The following TRERF1 variants were observed in gnomAD, a reference collection of about 807,000 sequenced individuals.
The protein encoded by TRERF1 is transcriptional-regulating factor 1.
Under a neutral mutation model 122.9 loss-of-function variants are expected in TRERF1, and 27 were observed. The ratio of observed to expected loss-of-function variants is 0.22; its 90% CI spans 0.16 to 0.30. TRERF1 has a LOEUF of 0.30. Among genes scored for constraint, TRERF1 ranks in the 10% least tolerant of loss-of-function variants. The probability of loss-of-function intolerance (pLI) is 1.00; values close to 1 mark genes in which losing one functional copy is unlikely to be tolerated. For missense variants in TRERF1, 1,248 were observed against 1,560.3 expected (o/e 0.80, Z 3.37); for synonymous variants, 636 against 641.7 (o/e 0.99, Z 0.13).
intron 2 of TRERF1, among the ~76,000 whole-genome samples, chr6:42,417,328 G>GCTGAAGCCAGCATCCC (rs2307594): frequency 6.6e-6 from 1 of 151,826 alleles, no homozygotes; most frequent in African/African-American, 2.4e-5. Flanking sequence ...CTACCCCACG[G>GCTGAAGCCAGCATCCC]ACCCCACTCC....
chr6:42,446,678 G>A (rs1205178200), intron 2 of TRERF1, among the ~76,000 whole-genome samples: 2 of 152,154 alleles, frequency 1.3e-5, no homozygotes, highest in African/African-American at 4.8e-5. Flanking sequence ...ATGTATGAAA[G>A]AAACCAGGGC....
intron 2 of TRERF1, among the ~76,000 whole-genome samples, chr6:42,371,667 C>T (rs955184221): frequency 1.3e-5 from 2 of 152,150 alleles, no homozygotes; most frequent in Non-Finnish European, 2.9e-5. Flanking sequence ...CAACCAGATG[C>T]ATCTGTGACC....
chr6:42,302,546 T>A (rs2150264975), intron 3 of TRERF1, among the ~76,000 whole-genome samples: 1 of 152,348 alleles, frequency 6.6e-6, no homozygotes, highest in South Asian at 2.1e-4. Context: ...TCATCTGCAA[T>A]TTTGGAGTTT....
At chr6:42,265,765 C>A in exon 6 of TRERF1, 2 of 1,613,384 alleles carry the variant, frequency 1.2e-6, no homozygotes. Flanking sequence ...ACTCAGGGGA[C>A]CCTGGCTGGG....
intron 2 of TRERF1, among the ~76,000 whole-genome samples, chr6:42,430,051 G>A (rs981406233): frequency 4.0e-5 from 6 of 151,772 alleles, no homozygotes; most frequent in Admixed American, 6.6e-5. Context: ...TGAGGCAAGC[G>A]CATACCAGAT....
chr6:42,357,405 C>T (rs1186287895), intron 3 of TRERF1, among the ~76,000 whole-genome samples: 1 of 150,256 alleles, frequency 6.7e-6, no homozygotes, highest in Non-Finnish European at 1.5e-5. Flanking sequence ...CATACGAGCA[C>T]AGATGAGGCT....
intron 2 of TRERF1, among the ~76,000 whole-genome samples, chr6:42,436,952 G>A (rs935461614): frequency 2.6e-5 from 4 of 151,422 alleles, no homozygotes; most frequent in African/African-American, 9.7e-5. Context: ...GGAGACTGTG[G>A]TGTAAATGTG....
intron 2 of TRERF1, among the ~76,000 whole-genome samples, chr6:42,363,678 G>A (rs1200714665): frequency 6.6e-6 from 1 of 152,170 alleles, no homozygotes; most frequent in African/African-American, 2.4e-5. Context: ...TAGTTAAGAC[G>A]AGGTCCTACT....
At chr6:42,234,336 GTTTGCTTGTTTT>G (rs1277990988) in intron 16 of TRERF1, among the ~76,000 whole-genome samples, 2 of 149,422 alleles carry the variant, frequency 1.3e-5, no homozygotes, top group African/African-American at 5.0e-5. Context: ...TTGTTTGTTT[GTTTGCTTGTTTT>G]TTTTTTTTCA....
intron 3 of TRERF1, among the ~76,000 whole-genome samples, chr6:42,321,916 C>T (rs1763526376): frequency 6.6e-6 from 1 of 152,224 alleles, no homozygotes; most frequent in African/African-American, 2.4e-5. Context: ...TAAGCCCTAT[C>T]TGCTAGTTTT....
chr6:42,279,651 A>G (rs973075393), intron 4 of TRERF1, among the ~76,000 whole-genome samples: 5 of 152,214 alleles, frequency 3.3e-5, no homozygotes, highest in Non-Finnish European at 7.3e-5. Flanking sequence ...TGGGCAGCAC[A>G]GACCAACTTC....
At chr6:42,256,791 T>C (rs1407622185) in exon 12 of TRERF1, 1 of 1,614,238 alleles carries the variant, frequency 6.2e-7, no homozygotes, top group Admixed American at 1.7e-5. Context: ...TCCCTCCACC[T>C]GGCAATGCAC....
chr6:42,337,803 G>A (rs1469501351), intron 3 of TRERF1, among the ~76,000 whole-genome samples: 1 of 152,198 alleles, frequency 6.6e-6, no homozygotes, highest in African/African-American at 2.4e-5. Context: ...ACCTCCCGAT[G>A]AGCTTTCACA....
intron 2 of TRERF1, among the ~76,000 whole-genome samples, chr6:42,415,634 T>C (rs192635591): frequency 5.3e-5 from 8 of 152,306 alleles, no homozygotes; most frequent in Non-Finnish European, 1.0e-4. Context: ...TTCCATACAT[T>C]TGAAATACTG....
Position 42,269,829 on chromosome 6 carries a change from T to A in TRERF1, c.-239A>T. 9.0e-7 allele frequency: 1 copy of A among 1,116,638 alleles called. No homozygotes were observed. Among genetic ancestry groups the A allele is most frequent in the Non-Finnish European group, 1.2e-6 (1 of 840,676 alleles). 69.2% of individuals were successfully genotyped at this position (1,116,638 alleles called of 1,614,324 possible). A position where few individuals can be genotyped will look rare whatever the true frequency, so the allele number is the denominator to read the frequency against. Reference sequence around the variant, plus strand: ...AGGTATAGACCACACAGCACTGTGGTGAGGAGACGTCGCTCACACCTGCAA... The same window carrying A: ...AGGTATAGACCACACAGCACTGTGGAGAGGAGACGTCGCTCACACCTGCAA... On this transcript the variant is annotated 5_prime_UTR_variant, in exon 5 of 18. Transcript: ENST00000372922. This position sits in a 1 kb window ranked among gnomAD's most constrained non-coding sequence, Gnocchi z 4.9.
At chr6:42,407,320 C>T (rs1483405589) in intron 2 of TRERF1, among the ~76,000 whole-genome samples, 4 of 152,148 alleles carry the variant, frequency 2.6e-5, no homozygotes, top group African/African-American at 7.2e-5. Context: ...CACCGTTATT[C>T]GCAATGACTC....
In TRERF1 at chr6:42,259,190, A is replaced by G; in HGVS notation, c.2269+149T>C. ...TTGAGGATAAGGGCTATGTATTCCAAGTCTTTCTTAACACCCAGCAGCGCG... is the reference window on the plus strand; with the variant it reads ...TTGAGGATAAGGGCTATGTATTCCAGGTCTTTCTTAACACCCAGCAGCGCG... On this transcript the variant is annotated intron_variant, in intron 9 of 17. Transcript: ENST00000372922. This position sits in a 1 kb window ranked among gnomAD's most constrained non-coding sequence, Gnocchi z 4.9. 1 of 1,084,380 alleles carries G rather than the reference A, an allele frequency of 9.2e-7. No individual in the cohort carries two copies. The highest frequency in any genetic ancestry group is 1.2e-6 in the Non-Finnish European group (1 of 801,420). The allele number at this position is 1,084,380 out of a possible 1,614,324, so 67.2% of individuals were successfully genotyped here.
At chr6:42,317,620 GC>G (rs1254256738) in intron 3 of TRERF1, among the ~76,000 whole-genome samples, 2 of 151,986 alleles carry the variant, frequency 1.3e-5, no homozygotes, top group Non-Finnish European at 2.9e-5. Context: ...CTCCTAAAGT[GC>G]TGGGATTACA....
intron 3 of TRERF1, among the ~76,000 whole-genome samples, chr6:42,302,830 A>T (rs115903493): frequency 0.012 from 1,775 of 152,352 alleles, 14 homozygotes; most frequent in African/African-American, 0.023. Flanking sequence ...TCACCATCCT[A>T]ACCCTCTATG....
Sources: gnomAD v4.1 joint callset for allele counts (sites outside exome capture counted in the v4.1 genomes callset) on GRCh38, gnomAD v4.1.1 for gene constraint, Gnocchi (gnomAD v3.1) non-coding constraint, MANE v1.5 for transcripts, NCBI Gene and HGNC (gene_info 2026-07-23, HGNC 2026-07-21) for gene names.